Variants in ERO1A observed in about 807,000 individuals in gnomAD.
ERO1A encodes ERO1-like protein alpha.
ERO1A carries 49 observed loss-of-function variants against 76.9 expected under a neutral mutation model. That is an observed-to-expected ratio of 0.64 (90% CI 0.51 to 0.81). The LOEUF is 0.81. Ranked by LOEUF, ERO1A falls within the 30% of genes least tolerant of loss-of-function variation. The probability of loss-of-function intolerance (pLI) is 0.00; values close to 1 mark genes in which losing one functional copy is unlikely to be tolerated. For synonymous variants in ERO1A, 174 were observed against 181.2 expected (o/e 0.96, Z 0.32); for missense variants, 448 against 542.1 (o/e 0.83, Z 1.72).
At position 52,640,782 on chromosome 14, in the gene ERO1A, A is replaced by T. The variant is rs1344604074; in HGVS notation, c.*2788T>A. On this transcript the variant is annotated 3_prime_UTR_variant, in exon 16 of 16. Transcript: ENST00000395686. ...ATGAGCCTAGAAAACTTAGAATATA[A>T]TGGTTCTAAAATTAACCAAAGTAAG... is the stretch of plus-strand genomic sequence containing the variant. 1 of 152,210 alleles carries T rather than the reference A, an allele frequency of 6.6e-6. No individual in the cohort carries two copies. Among genetic ancestry groups the T allele is most frequent in the Non-Finnish European group, 1.5e-5 (1 of 68,036 alleles). The allele number at this position is 152,210 out of a possible 1,614,324, so 9.4% of individuals were successfully genotyped here.
intron 15 of ERO1A, among the ~76,000 whole-genome samples, chr14:52,644,966 T>G (rs867284553): frequency 1.9e-4 from 29 of 152,226 alleles, no homozygotes; most frequent in African/African-American, 6.8e-4. Flanking sequence ...ATGTTAATTT[T>G]TATAAATCTC....
chr14:52,684,961 T>C (rs964451067), intron 1 of ERO1A, among the ~76,000 whole-genome samples: 1 of 152,250 alleles, frequency 6.6e-6, no homozygotes, highest in East Asian at 1.9e-4. Flanking sequence ...AACTGTTAAA[T>C]ATAGCATGCT....
chr14:52,660,126 G>A (rs891194961), intron 9 of ERO1A, among the ~76,000 whole-genome samples: 2 of 152,104 alleles, frequency 1.3e-5, no homozygotes, highest in African/African-American at 4.8e-5. Context: ...AAGCCACCAC[G>A]CCCAGCCAAG....
rs375272618 is a variant in ERO1A, at chr14:52,690,523, C to A, written c.114+4845G>T. On this transcript the variant is annotated intron_variant, in intron 1 of 15. Transcript: ENST00000395686. The stretch of plus-strand genomic sequence containing the variant: ...TGGGAGGCCAAGGAGGGCAGATCAC[C>A]TGAGGTCAGGAGTTCAAAATCAGCC... Among the ~76,000 whole-genome samples the A allele has an allele frequency of 4.7e-4, 71 of 152,248 alleles. 1 individual carries two copies. The highest frequency in any genetic ancestry group is 8.5e-4 in the Non-Finnish European group (58 of 68,010).
intron 15 of ERO1A, among the ~76,000 whole-genome samples, chr14:52,644,856 T>C (rs1287206724): frequency 1.3e-5 from 2 of 152,182 alleles, no homozygotes; most frequent in Non-Finnish European, 2.9e-5. Context: ...AAATATTAAC[T>C]ATCTAGCCCT....
At chr14:52,673,712 A>G (rs2040687353) in intron 4 of ERO1A, among the ~76,000 whole-genome samples, 1 of 151,172 alleles carries the variant, frequency 6.6e-6, no homozygotes, top group African/African-American at 2.4e-5. Flanking sequence ...AACTTAGTAT[A>G]TATATAAATC....
intron 15 of ERO1A, among the ~76,000 whole-genome samples, chr14:52,645,032 T>C (rs2039598615): frequency 6.6e-6 from 1 of 152,202 alleles, no homozygotes; most frequent in Non-Finnish European, 1.5e-5. Context: ...AATATTTTAA[T>C]GTAAGTTCCT....
intron 6 of ERO1A, among the ~76,000 whole-genome samples, chr14:52,671,208 G>A (rs2040585804): frequency 6.6e-6 from 1 of 152,268 alleles, no homozygotes; most frequent in African/African-American, 2.4e-5. Context: ...ATTCCATTGT[G>A]TGTTTTATAT....
In ERO1A at chr14:52,642,925, C is replaced by T. The variant is rs1047439327; in HGVS notation, c.*645G>A. 6.6e-6 allele frequency: 1 copy of T among 152,536 alleles called. No individual in the cohort carries two copies. The highest frequency in any genetic ancestry group is 1.5e-5 in the Non-Finnish European group (1 of 68,004). The allele number at this position is 152,536 out of a possible 1,614,324, so 9.4% of individuals were successfully genotyped here. A position where few individuals can be genotyped will look rare whatever the true frequency, so the allele number is the denominator to read the frequency against. ...ACAACCCAATCAAAATAGCAATATA[C>T]TTCTAAAAGTGATTTGTTTCATACC... On this transcript the variant is annotated 3_prime_UTR_variant, in exon 16 of 16. Transcript: ENST00000395686.
intron 4 of ERO1A, among the ~76,000 whole-genome samples, chr14:52,677,821 C>A (rs1208719729): frequency 6.9e-6 from 1 of 145,772 alleles, no homozygotes; most frequent in Non-Finnish European, 1.5e-5. Flanking sequence ...TATGATCATG[C>A]CACTGCACTC....
In ERO1A at chr14:52,695,449, G is replaced by A; in HGVS notation, c.33C>T (p.Leu11=). 1 of 1,548,690 alleles carries A rather than the reference G, an allele frequency of 6.5e-7. No homozygotes were observed. Among genetic ancestry groups the A allele is most frequent in the Non-Finnish European group, 8.7e-7 (1 of 1,147,380 alleles). Residue 11 remains leucine, a synonymous_variant, in exon 1 of 16, where the codon CTC becomes CTT. Transcript: ENST00000395686. The stretch of plus-strand genomic sequence containing the variant: ...AGCTGAGCAGCCACACGGCGCCCAG[G>A]AGGCCAAACAAGAATCCCCAGCCGC... The part of the protein sequence containing the change: MGRGWGFLFG[L]LGAVWLLSSG...
intron 1 of ERO1A, among the ~76,000 whole-genome samples, chr14:52,690,862 G>A (rs2041331697): frequency 1.3e-5 from 2 of 152,048 alleles, no homozygotes; most frequent in Admixed American, 1.3e-4. Context: ...CTGCCTCCCG[G>A]ATTCAAGCAA....
At chr14:52,645,760 T>C (rs866724043) in intron 15 of ERO1A, among the ~76,000 whole-genome samples, 25 of 151,750 alleles carry the variant, frequency 1.6e-4, no homozygotes, top group Admixed American at 4.6e-4. Context: ...ATCCAGCACT[T>C]CGGGAGGTGG....
chr14:52,653,248 C>A lies in ERO1A; in HGVS notation c.876G>T (p.Leu292Phe). ...TEFQQRFDGI[L>F]TEGEGPRRLK... ...GCCTTCTTGGACCTTCTCCTTCAGT[C>A]AAAATTCCATCAAATCGCTGTTGAA... Residue 292 changes from leucine (L) to phenylalanine (F), a missense_variant, in exon 12 of 16, where the codon TTG becomes TTT. Physicochemically the swap from Leu to Phe is conservative, Grantham distance 22 (BLOSUM62 0). Transcript: ENST00000395686. 6.2e-7 allele frequency: 1 copy of A among 1,612,374 alleles called. No homozygotes were observed. Among genetic ancestry groups the A allele is most frequent in the South Asian group, 1.1e-5 (1 of 90,846 alleles).
intron 1 of ERO1A, among the ~76,000 whole-genome samples, chr14:52,692,658 C>A (rs546767866): frequency 1.3e-5 from 2 of 152,076 alleles, no homozygotes; most frequent in African/African-American, 4.8e-5. Flanking sequence ...CCACGAATCC[C>A]CAATGAACAT....
At chr14:52,678,922 G>C (rs1029580108) in intron 3 of ERO1A, among the ~76,000 whole-genome samples, 7 of 152,118 alleles carry the variant, frequency 4.6e-5, no homozygotes, top group African/African-American at 1.7e-4. Context: ...CTCATGAACC[G>C]CTTGGTGCCA....
In ERO1A at chr14:52,679,780, G is replaced by C. The variant is rs1044869187; in HGVS notation, c.319-1308C>G. Among the ~76,000 whole-genome samples the C allele has an allele frequency of 2.0e-5, 3 of 152,134 alleles. No individual in the cohort carries two copies. The East Asian group carries it at 5.8e-4, about 29-fold the overall frequency. Reference sequence around the variant, plus strand: ...AAAACAAGTATTGCTGCCAGGTACAGCGGCTTATGCCCATAATCCCAGCAC... The same window carrying C: ...AAAACAAGTATTGCTGCCAGGTACACCGGCTTATGCCCATAATCCCAGCAC... On this transcript the variant is annotated intron_variant, in intron 3 of 15. Coordinates refer to ENST00000395686, the MANE Select transcript of ERO1A (RefSeq NM_014584.3).
chr14:52,653,726 T>C (rs2039953023), intron 11 of ERO1A, among the ~76,000 whole-genome samples: 1 of 151,940 alleles, frequency 6.6e-6, no homozygotes, highest in South Asian at 2.1e-4. Flanking sequence ...TAAGTTGCTA[T>C]TGATTATAGG....
chr14:52,683,898 A>G lies in ERO1A; in HGVS notation c.124T>C (p.Tyr42His), dbSNP rs775622871. 6.4e-7 allele frequency: 1 copy of G among 1,573,770 alleles called. No individual in the cohort carries two copies. Among genetic ancestry groups the G allele is most frequent in the Non-Finnish European group, 8.6e-7 (1 of 1,160,552 alleles). ...ACATCACAGGTACAATCATCCAAGT[A>G]ACCACTAACCTGTTACAAAGAAAAT... ...AQRCFCQVSG[Y>H]LDDCTCDVET... is the part of the protein sequence containing the mutation. The change falls in exon 2 of 16, where the codon TAC (tyrosine) becomes CAC (histidine). Residue 42 changes from tyrosine (Y) to histidine (H), a missense_variant. Coordinates refer to ENST00000395686, the MANE Select transcript of ERO1A (RefSeq NM_014584.3).
Sources: gnomAD v4.1 joint callset for allele counts (sites outside exome capture counted in the v4.1 genomes callset) on GRCh38, gnomAD v4.1.1 for gene constraint, MANE v1.5 for transcripts, NCBI Gene and HGNC (gene_info 2026-07-23, HGNC 2026-07-21) for gene names.